CFAP96: variants seen among roughly 807,000 people sequenced by gnomAD.
The protein encoded by CFAP96 is cilia-and flagella-associated protein 96.
the CFAP96 span, chr4:185,413,704 A>G: frequency 2.8e-5 from 44 of 1,595,170 alleles, no homozygotes; most frequent in Non-Finnish European, 3.7e-5. Flanking sequence ...AGTGACTCCC[A>G]TAAATAATTA....
At chr4:185,447,186 C>CTT in the CFAP96 span, among the ~76,000 whole-genome samples, 1,044 of 139,664 alleles carry the variant, frequency 7.5e-3, 8 homozygotes, top group African/African-American at 0.024. Flanking sequence ...TATATTTTTT[C>CTT]TTTTTTTTTT....
the CFAP96 span, chr4:185,445,100 T>C: frequency 6.4e-7 from 1 of 1,551,646 alleles, no homozygotes; most frequent in African/African-American, 1.4e-5. Context: ...AGCAGACCAG[T>C]TGAAAGTATA....
At chr4:185,444,996 T>C in the CFAP96 span, 1 of 1,551,500 alleles carries the variant, frequency 6.4e-7, no homozygotes, top group Non-Finnish European at 8.7e-7. Context: ...CATTTGATCC[T>C]TACCCATCAC....
the CFAP96 span, among the ~76,000 whole-genome samples, chr4:185,417,926 C>A: frequency 6.6e-6 from 1 of 152,020 alleles, no homozygotes; most frequent in Non-Finnish European, 1.5e-5. Context: ...TGCCTGTAAT[C>A]CCAGCTACTC....
chr4:185,432,261 A>G, the CFAP96 span: 1,879 of 1,299,684 alleles, frequency 1.4e-3, 13 homozygotes, highest in African/African-American at 0.022. Context: ...CCTAAATTAA[A>G]TATTTGTTTT....
At chr4:185,445,279 G>A in the CFAP96 span, 4 of 749,046 alleles carry the variant, frequency 5.3e-6, no homozygotes, top group African/African-American at 7.1e-5. Flanking sequence ...CCATGTACAG[G>A]TACCTGCCCT....
At chr4:185,421,230 G>A in the CFAP96 span, among the ~76,000 whole-genome samples, 11 of 152,290 alleles carry the variant, frequency 7.2e-5, no homozygotes, top group South Asian at 2.3e-3. Context: ...TGAAGGGATG[G>A]GTGGAAAAGA....
chr4:185,421,340 T>C, the CFAP96 span, among the ~76,000 whole-genome samples: 1 of 152,252 alleles, frequency 6.6e-6, no homozygotes, highest in Non-Finnish European at 1.5e-5. Flanking sequence ...TTTTGATGTC[T>C]GTCCCCTCCA....
the CFAP96 span, among the ~76,000 whole-genome samples, chr4:185,431,627 C>T: frequency 2.0e-5 from 3 of 152,230 alleles, no homozygotes; most frequent in Admixed American, 1.3e-4. Context: ...CACACACTCT[C>T]ACTGACATCT....
At chr4:185,432,298 A>C in the CFAP96 span, 1 of 905,838 alleles carries the variant, frequency 1.1e-6, no homozygotes, top group Admixed American at 2.9e-5. Context: ...ATGTAAGATG[A>C]ATTTTTAAGT....
At chr4:185,437,854 AG>A in the CFAP96 span, among the ~76,000 whole-genome samples, 1 of 152,174 alleles carries the variant, frequency 6.6e-6, no homozygotes, top group Non-Finnish European at 1.5e-5. Flanking sequence ...ATATTCTAAA[AG>A]TAATTTTGAA....
chr4:185,410,945 C>CAAAAAA, the CFAP96 span, among the ~76,000 whole-genome samples: 8 of 113,436 alleles, frequency 7.1e-5, no homozygotes, highest in South Asian at 2.8e-4. Context: ...GACTCCATCT[C>CAAAAAA]AAAAAAAAAA....
At chr4:185,417,995 G>A in the CFAP96 span, among the ~76,000 whole-genome samples, 64 of 149,574 alleles carry the variant, frequency 4.3e-4, no homozygotes, top group Admixed American at 4.2e-3. Context: ...AGTGAGCCGA[G>A]ATCGTGCCAC....
chr4:185,444,115 G>A, the CFAP96 span, among the ~76,000 whole-genome samples: 1 of 148,572 alleles, frequency 6.7e-6, no homozygotes, highest in Non-Finnish European at 1.5e-5. Flanking sequence ...CACCGCGCCC[G>A]GCTAATTTTT....
At chr4:185,430,935 G>A in the CFAP96 span, among the ~76,000 whole-genome samples, 1 of 152,006 alleles carries the variant, frequency 6.6e-6, no homozygotes. Context: ...ATACTGGCCA[G>A]GCGTGGTGGC....
At chr4:185,436,997 A>T in the CFAP96 span, among the ~76,000 whole-genome samples, 1 of 152,148 alleles carries the variant, frequency 6.6e-6, no homozygotes, top group Admixed American at 6.5e-5. Flanking sequence ...TTAAATAAAG[A>T]GTCATATCCT....
At chr4:185,448,127 T>A in the CFAP96 span, among the ~76,000 whole-genome samples, 1 of 152,052 alleles carries the variant, frequency 6.6e-6, no homozygotes, top group Admixed American at 6.5e-5. Context: ...TTCAAGCAAC[T>A]CTCCTGTCTC....
At chr4:185,438,923 G>A in the CFAP96 span, among the ~76,000 whole-genome samples, 3 of 152,290 alleles carry the variant, frequency 2.0e-5, no homozygotes, top group East Asian at 5.8e-4. Context: ...GCCAGACACT[G>A]TTACCTCACA....
the CFAP96 span, among the ~76,000 whole-genome samples, chr4:185,442,204 C>T: frequency 6.6e-6 from 1 of 152,020 alleles, no homozygotes; most frequent in South Asian, 2.1e-4. Flanking sequence ...TTCTCCAGAA[C>T]TTCAGAATTA....
Sources: gnomAD v4.1 joint callset for allele counts (sites outside exome capture counted in the v4.1 genomes callset) on GRCh38, gnomAD v4.1.1 for gene constraint, MANE v1.5 for transcripts, NCBI Gene and HGNC (gene_info 2026-07-23, HGNC 2026-07-21) for gene names.